Variants in MDN1 observed in about 807,000 individuals in gnomAD.
MDN1 encodes midasin AAA ATPase 1, also known as midasin.
In MDN1, 266 loss-of-function variants were observed where a neutral mutation model predicts 669.2. The ratio of observed to expected loss-of-function variants is 0.40; its 90% CI spans 0.36 to 0.44. The LOEUF (loss-of-function observed/expected upper bound fraction) is 0.44, where lower values mean the gene tolerates loss of function less well. Ranked by LOEUF, MDN1 falls within the 20% of genes least tolerant of loss-of-function variation. MDN1 has a pLI of 1.00. For missense variants in MDN1, 5,940 were observed against 6,754.0 expected (o/e 0.88, Z 4.22); for synonymous variants, 2,385 against 2,457.1 (o/e 0.97, Z 0.87).
chr6:89,724,003 C>A (rs1815022044), intron 38 of MDN1, among the ~76,000 whole-genome samples: 1 of 152,014 alleles, frequency 6.6e-6, no homozygotes, highest in Admixed American at 6.5e-5. Context: ...ATTAGCTGGG[C>A]ATAGTGGCAT....
chr6:89,663,324 C>A (rs1809941851), intron 85 of MDN1, among the ~76,000 whole-genome samples: 1 of 152,100 alleles, frequency 6.6e-6, no homozygotes, highest in Non-Finnish European at 1.5e-5. Flanking sequence ...TGGGTCCTCC[C>A]CATCTTCAAT....
chr6:89,708,945 C>T (rs759093950), intron 50 of MDN1, among the ~76,000 whole-genome samples: 51 of 149,068 alleles, frequency 3.4e-4, no homozygotes, highest in Admixed American at 8.8e-4. Flanking sequence ...TCACACTAAT[C>T]CATGGGCTAA....
At chr6:89,763,701 C>T (rs1817668838) in intron 15 of MDN1, among the ~76,000 whole-genome samples, 1 of 152,022 alleles carries the variant, frequency 6.6e-6, no homozygotes, top group South Asian at 2.1e-4. Flanking sequence ...ATATGTTTCA[C>T]AACAAACGTA....
chr6:89,712,386 G>A (rs1813999953), intron 48 of MDN1, 130 bp from the exon 49 acceptor site: 2 of 1,030,284 alleles, frequency 1.9e-6, no homozygotes, highest in East Asian at 2.5e-5. Context: ...CTCCCACAGA[G>A]GAAGAAAGTT....
At position 89,643,887 on chromosome 6, in the gene MDN1, G is replaced by A. The variant is rs780047968; in HGVS notation, c.*118C>T. ...AGCATTCTGTAGGCTGTAAGATCAC[G>A]TTGTAAAATAAAAATATTACAATAA... On this transcript the variant is annotated 3_prime_UTR_variant, in exon 102 of 102. Transcript: ENST00000369393. 62 of 912,940 alleles carry A rather than the reference G, an allele frequency of 6.8e-5. No individual in the cohort carries two copies. Among genetic ancestry groups the A allele is most frequent in the East Asian group, 4.0e-4 (14 of 35,108 alleles). 56.6% of individuals were successfully genotyped at this position (912,940 alleles called of 1,614,324 possible).
intron 15 of MDN1, among the ~76,000 whole-genome samples, chr6:89,767,629 G>A (rs1246416261): frequency 6.6e-6 from 1 of 152,106 alleles, no homozygotes; most frequent in Non-Finnish European, 1.5e-5. Flanking sequence ...GGTGGTACAT[G>A]CCTGTAATCC....
chr6:89,793,892 A>G lies in MDN1; in HGVS notation c.725T>C (p.Val242Ala). 6.2e-7 allele frequency: 1 copy of G among 1,614,104 alleles called. No homozygotes were observed. Among genetic ancestry groups the G allele is most frequent in the South Asian group, 1.1e-5 (1 of 91,076 alleles). ...CTCCTTCTGCTTACGCCAAAGGGAG[A>G]CTTCTGGATTGGCCAAAACCAAGGC... ...EKALVLANPE[V>A]SLWRKQKELQ... Residue 242 changes from valine (V) to alanine (A), a missense_variant, in exon 5 of 102, where the codon GTC (valine) becomes GCC (alanine). Val to Ala is a moderately conservative substitution (Grantham distance 64). Transcript: ENST00000369393.
intron 59 of MDN1, 144 bp from the exon 60 acceptor site, chr6:89,696,718 A>G (rs749355897): frequency 4.8e-6 from 3 of 630,006 alleles, no homozygotes; most frequent in Non-Finnish European, 8.4e-6. Context: ...CTAGAAGGAC[A>G]GAACAGGTTA....
At chr6:89,816,436 GAA>G (rs56193921) in intron 1 of MDN1, among the ~76,000 whole-genome samples, 149,685 of 150,784 alleles carry the variant, frequency 0.99, 74,307 homozygotes, top group Middle Eastern at 1. Flanking sequence ...GCATTTGGGG[GAA>G]AAAAAAAAAT....
chr6:89,777,161 G>C (rs1818398238), intron 11 of MDN1, among the ~76,000 whole-genome samples: 1 of 152,146 alleles, frequency 6.6e-6, no homozygotes, highest in Non-Finnish European at 1.5e-5. Flanking sequence ...AACCAGTTAT[G>C]TCTTCTGATG....
rs756534130 is a variant in MDN1, at chr6:89,652,225, C to T, written c.15882G>A (p.Met5294Ile). 6.2e-7 allele frequency: 1 copy of T among 1,614,072 alleles called. No homozygotes were observed. Among genetic ancestry groups the T allele is most frequent in the South Asian group, 1.1e-5 (1 of 91,070 alleles). Reference protein sequence around the residue: ...LRQELERQLEMWQPRESGNPE... With the variant: ...LRQELERQLEIWQPRESGNPE... Reference sequence around the variant, plus strand: ...GGTTTCCAGATTCACGTGGCTGCCACATTTCCAGCTGTCTCTCCAGCTCCT... The same window carrying T: ...GGTTTCCAGATTCACGTGGCTGCCATATTTCCAGCTGTCTCTCCAGCTCCT... The change falls in exon 95 of 102, where the codon ATG (methionine) becomes ATA (isoleucine). Residue 5294 changes from methionine (M) to isoleucine (I), a missense_variant. Transcript: ENST00000369393.
chr6:89,796,780 AT>A (rs1819632956), intron 2 of MDN1, among the ~76,000 whole-genome samples: 1 of 152,130 alleles, frequency 6.6e-6, no homozygotes, highest in Admixed American at 6.5e-5. Context: ...TTTTATAAAA[AT>A]TTCTGGGCTG....
intron 37 of MDN1, among the ~76,000 whole-genome samples, chr6:89,726,881 G>A (rs1815271415): frequency 6.6e-6 from 1 of 152,096 alleles, no homozygotes; most frequent in South Asian, 2.1e-4. Flanking sequence ...GCACCACAAA[G>A]CACAAACACT....
Position 89,656,637 on chromosome 6 carries a change from C to G in MDN1, c.15285+63G>C, listed in dbSNP as rs1291116060. On this transcript the variant is annotated intron_variant, in intron 91 of 101. Transcript: ENST00000369393. ...TTTTTTTTTTTTTTTTAAAGCACTA[C>G]GTTTGGAACATCTTTTTCTACATGC... 125 of 1,071,770 alleles carry G rather than the reference C, an allele frequency of 1.2e-4. No individual in the cohort carries two copies. In the Middle Eastern group the frequency reaches 1.4e-3, roughly 12 times the overall value. The allele number at this position is 1,071,770 out of a possible 1,614,324, so 66.4% of individuals were successfully genotyped here. A position where few individuals can be genotyped will look rare whatever the true frequency, so the allele number is the denominator to read the frequency against.
In MDN1 at chr6:89,738,518, T is replaced by C; in HGVS notation, c.4594-63A>G. ...ACTGTAAGGAAAGCTGGAAAACAAGTCTTGAAAGAATGTTGTTAGCTGTTA... is the reference window on the plus strand; with the variant it reads ...ACTGTAAGGAAAGCTGGAAAACAAGCCTTGAAAGAATGTTGTTAGCTGTTA... On this transcript the variant is annotated intron_variant, in intron 32 of 101. Transcript: ENST00000369393. 1.9e-6 allele frequency: 3 copies of C among 1,579,004 alleles called. No individual in the cohort carries two copies. The South Asian group carries it at 3.4e-5, about 18-fold the overall frequency.
At chr6:89,668,700 AT>A (rs938925037) in intron 83 of MDN1, among the ~76,000 whole-genome samples, 6 of 152,374 alleles carry the variant, frequency 3.9e-5, no homozygotes, top group Admixed American at 3.9e-4. Flanking sequence ...GCACAAAAAA[AT>A]AAGCTGCTAA....
chr6:89,778,068 G>A (rs1818441218), intron 11 of MDN1, among the ~76,000 whole-genome samples: 1 of 152,140 alleles, frequency 6.6e-6, no homozygotes, highest in African/African-American at 2.4e-5. Flanking sequence ...TGTCTAGGCA[G>A]TGGGCAAGGT....
At position 89,740,391 on chromosome 6, in the gene MDN1, T is replaced by G. The variant is rs1430136139; in HGVS notation, c.4449-13A>C. The G allele has an allele frequency of 1.3e-6, 2 of 1,568,192 alleles. No homozygotes were observed. Among genetic ancestry groups the G allele is most frequent in the East Asian group, 2.4e-5 (1 of 42,114 alleles). Reference sequence around the variant, plus strand: ...TACTTCAAGGACACTAAAAGAAAAATTGAAGAACAGTGAAAAGGGCTTATA... The same window carrying G: ...TACTTCAAGGACACTAAAAGAAAAAGTGAAGAACAGTGAAAAGGGCTTATA... On this transcript the variant is annotated splice_polypyrimidine_tract_variant and intron_variant, in intron 31 of 101. Coordinates refer to ENST00000369393, the MANE Select transcript of MDN1 (RefSeq NM_014611.3).
intron 60 of MDN1, among the ~76,000 whole-genome samples, 166 bp downstream of exon 60, chr6:89,696,194 C>T (rs1190187184): frequency 2.6e-5 from 4 of 152,096 alleles, no homozygotes; most frequent in Non-Finnish European, 5.9e-5. Context: ...GACATGGGAA[C>T]CAGCCAGCTC....
Sources: allele counts gnomAD v4.1 joint callset (sites outside exome capture counted in the v4.1 genomes callset), GRCh38; gene constraint gnomAD v4.1.1; transcripts MANE v1.5; gene names NCBI Gene and HGNC (gene_info 2026-07-23, HGNC 2026-07-21).